The following PPP2R2B variants were observed in gnomAD, a reference collection of about 807,000 sequenced individuals.
PPP2R2B encodes the protein protein phosphatase 2 regulatory subunit Bbeta, also known as serine/threonine-protein phosphatase 2A 55 kDa regulatory subunit B beta isoform.
A neutral mutation model predicts 46.0 loss-of-function variants in PPP2R2B; 5 were observed. The observed-to-expected ratio is 0.11, with a 90% CI of 0.06 to 0.23. The LOEUF (loss-of-function observed/expected upper bound fraction) is 0.23. Among genes scored for constraint, PPP2R2B ranks in the 10% least tolerant of loss-of-function variants. PPP2R2B has a pLI of 1.00. For missense variants in PPP2R2B, 367 were observed against 575.0 expected (o/e 0.64, Z 3.70); for synonymous variants, 215 against 206.7 (o/e 1.04, Z -0.34).
chr5:147,012,834 T>G (rs1754808691), intron 1 of PPP2R2B, among the ~76,000 whole-genome samples: 2 of 152,072 alleles, frequency 1.3e-5, no homozygotes, highest in South Asian at 4.1e-4. Context: ...CATTTCGTTA[T>G]GTACCCAGTA....
chr5:146,824,861 G>A (rs1356711780), intron 2 of PPP2R2B, among the ~76,000 whole-genome samples: 1 of 151,508 alleles, frequency 6.6e-6, no homozygotes, highest in Admixed American at 6.6e-5. Flanking sequence ...GGGATTACAG[G>A]TGCCCACCAC....
At chr5:146,917,284 C>T (rs1032704234) in intron 1 of PPP2R2B, among the ~76,000 whole-genome samples, 1 of 152,222 alleles carries the variant, frequency 6.6e-6, no homozygotes, top group African/African-American at 2.4e-5. Context: ...AGGCCCAATA[C>T]AGTGTGAGGC....
intron 5 of PPP2R2B, among the ~76,000 whole-genome samples, chr5:146,674,255 G>A (rs1777564111): frequency 6.6e-6 from 1 of 152,086 alleles, no homozygotes; most frequent in Admixed American, 6.6e-5. Context: ...AAACTGATAT[G>A]GTGAGAGCTT....
chr5:146,659,840 C>G (rs1776569880), intron 5 of PPP2R2B, among the ~76,000 whole-genome samples: 1 of 152,186 alleles, frequency 6.6e-6, no homozygotes, highest in Non-Finnish European at 1.5e-5. Flanking sequence ...TTACCATTAA[C>G]TTCCAATTGT....
intron 2 of PPP2R2B, among the ~76,000 whole-genome samples, chr5:146,873,658 C>A (rs779680014): frequency 6.6e-6 from 1 of 152,160 alleles, no homozygotes; most frequent in African/African-American, 2.4e-5. Flanking sequence ...TGTCACCAGA[C>A]TGGAGTGCGG....
intron 1 of PPP2R2B, among the ~76,000 whole-genome samples, chr5:146,996,579 G>A (rs1015645010): frequency 1.3e-5 from 2 of 152,176 alleles, no homozygotes; most frequent in Non-Finnish European, 2.9e-5. Context: ...TCTCATGGCT[G>A]TATGGAAGAA....
chr5:146,590,094 C>G lies in PPP2R2B; in HGVS notation c.1185G>C (p.Val395=), dbSNP rs150241846. The change falls in exon 10 of 10, where the codon GTG becomes GTC. Residue 395 remains valine, a synonymous_variant. Transcript: ENST00000394411. Reference sequence around the variant, plus strand: ...TCTCGTCTTTTCTCCGCTTGCCCCCCACACACACTTTTCGGGGTTTGAGGA... The same window carrying G: ...TCTCGTCTTTTCTCCGCTTGCCCCCGACACACACTTTTCGGGGTTTGAGGA... The part of the protein sequence containing the change: ...RAILKPRKVC[V]GGKRRKDEIS... 5 of 1,614,118 alleles carry G rather than the reference C, an allele frequency of 3.1e-6. No individual in the cohort carries two copies. The South Asian group carries it at 3.3e-5, about 11-fold the overall frequency.
chr5:146,773,816 C>T (rs1252622107), intron 2 of PPP2R2B, among the ~76,000 whole-genome samples: 1 of 152,146 alleles, frequency 6.6e-6, no homozygotes, highest in Non-Finnish European at 1.5e-5. Context: ...ATTTTAATTG[C>T]CATGAGTTTT....
intron 2 of PPP2R2B, among the ~76,000 whole-genome samples, chr5:146,749,903 C>T (rs1258419780): frequency 6.6e-6 from 1 of 152,016 alleles, no homozygotes; most frequent in African/African-American, 2.4e-5. Context: ...TGGCCAATTT[C>T]CTTTTTTTTC....
intron 2 of PPP2R2B, among the ~76,000 whole-genome samples, chr5:146,727,304 T>G (rs976783835): frequency 4.1e-5 from 4 of 96,652 alleles, no homozygotes; most frequent in African/African-American, 2.2e-4. Flanking sequence ...ATGAGAGGTG[T>G]TTTTTTTTTA....
intron 5 of PPP2R2B, among the ~76,000 whole-genome samples, chr5:146,675,669 G>A (rs927408599): frequency 1.3e-5 from 2 of 152,264 alleles, no homozygotes; most frequent in South Asian, 2.1e-4. Flanking sequence ...GAAACAAATT[G>A]CCCCTTTCTG....
chr5:146,841,770 C>T (rs775640676), intron 2 of PPP2R2B, among the ~76,000 whole-genome samples: 1 of 151,912 alleles, frequency 6.6e-6, no homozygotes, highest in Non-Finnish European at 1.5e-5. Context: ...CAATACACAC[C>T]AGGGCCTGTT....
intron 5 of PPP2R2B, among the ~76,000 whole-genome samples, chr5:146,681,918 A>C (rs1778198404): frequency 6.7e-6 from 1 of 149,930 alleles, no homozygotes; most frequent in Non-Finnish European, 1.5e-5. Context: ...TTTCTTCTGT[A>C]ATGTGATTCT....
intron 1 of PPP2R2B, among the ~76,000 whole-genome samples, chr5:147,006,285 T>C (rs1754439385): frequency 6.6e-6 from 1 of 152,200 alleles, no homozygotes; most frequent in Non-Finnish European, 1.5e-5. Flanking sequence ...CTTAAAGTAC[T>C]TACAGAATCA....
intron 1 of PPP2R2B, among the ~76,000 whole-genome samples, chr5:146,912,630 G>A (rs1763231373): frequency 6.6e-6 from 1 of 151,464 alleles, no homozygotes; most frequent in African/African-American, 2.4e-5. Flanking sequence ...TTGGCCTCCT[G>A]AGTAGCTGGG....
At chr5:147,069,678 T>C (rs1757516814) in intron 2 of PPP2R2B, among the ~76,000 whole-genome samples, 1 of 152,008 alleles carries the variant, frequency 6.6e-6, no homozygotes, top group African/African-American at 2.4e-5. Flanking sequence ...ATTTGGGTCT[T>C]AGCTTAAATG....
At chr5:146,906,652 G>T (rs537347519) in intron 1 of PPP2R2B, among the ~76,000 whole-genome samples, 1 of 152,230 alleles carries the variant, frequency 6.6e-6, no homozygotes, top group East Asian at 1.9e-4. Context: ...GACACATAAT[G>T]ATTATGCATC....
At chr5:147,078,493 A>G (rs142919113) in intron 2 of PPP2R2B, among the ~76,000 whole-genome samples, 227 of 152,212 alleles carry the variant, frequency 1.5e-3, no homozygotes, top group African/African-American at 5.1e-3. Flanking sequence ...AACTCATTAA[A>G]ACACATTGTA....
chr5:146,936,471 G>GA (rs35203174), intron 1 of PPP2R2B, among the ~76,000 whole-genome samples: 34,137 of 83,856 alleles, frequency 0.41, 4,592 homozygotes, highest in East Asian at 0.55. Flanking sequence ...AGCAGGAAAA[G>GA]AAAAAAAAAA....
Sources: allele counts gnomAD v4.1 joint callset (sites outside exome capture counted in the v4.1 genomes callset), GRCh38; gene constraint gnomAD v4.1.1; transcripts MANE v1.5; gene names NCBI Gene and HGNC (gene_info 2026-07-23, HGNC 2026-07-21).